The following PRKCA variants were observed in gnomAD, a reference collection of about 807,000 sequenced individuals.
The protein encoded by PRKCA is protein kinase C alpha type.
PRKCA carries 27 observed loss-of-function variants against 87.0 expected under a neutral mutation model. The observed-to-expected ratio is 0.31, with a 90% CI of 0.23 to 0.43. PRKCA has a LOEUF of 0.43. PRKCA is among the 20% of genes least tolerant of loss of function. The pLI is 1.00. For missense variants in PRKCA, 518 were observed against 852.3 expected, an observed-to-expected ratio of 0.61 and a Z score of 4.88; for synonymous variants, 329 against 311.1, an observed-to-expected ratio of 1.06 and a Z score of -0.61.
chr17:66,732,585 C>T, intron 8 of PRKCA, 103 bp from the exon 9 acceptor site: 1 of 1,423,144 alleles, frequency 7.0e-7, no homozygotes, highest in Non-Finnish European at 9.9e-7. Flanking sequence ...TCACCCCATC[C>T]CACCTCCAAG....
At chr17:66,549,209 A>C (rs1359956217) in intron 3 of PRKCA, among the ~76,000 whole-genome samples, 1 of 150,742 alleles carries the variant, frequency 6.6e-6, no homozygotes, top group Non-Finnish European at 1.5e-5. Flanking sequence ...CTCATTTTAC[A>C]GAGGGGGAAA....
chr17:66,499,002 G>A (rs1916604446), intron 3 of PRKCA, among the ~76,000 whole-genome samples: 2 of 152,204 alleles, frequency 1.3e-5, no homozygotes. Flanking sequence ...CACATTGGCG[G>A]TTAAGTTTCA....
intron 2 of PRKCA, among the ~76,000 whole-genome samples, chr17:66,468,685 A>G (rs1915193372): frequency 6.6e-6 from 1 of 152,130 alleles, no homozygotes; most frequent in South Asian, 2.1e-4. Context: ...TTAGGGCAAG[A>G]GCGCACAGGT....
At chr17:66,801,001 TC>T (rs1975886862) in intron 16 of PRKCA, among the ~76,000 whole-genome samples, 1 of 152,232 alleles carries the variant, frequency 6.6e-6, no homozygotes, top group Non-Finnish European at 1.5e-5. Context: ...CTTGAATTCT[TC>T]CAGGCAATAA....
intron 2 of PRKCA, among the ~76,000 whole-genome samples, chr17:66,358,091 G>GTTCAA (rs1555590100): frequency 6.6e-6 from 1 of 152,012 alleles, no homozygotes; most frequent in Non-Finnish European, 1.5e-5. Context: ...CATTTGAAAA[G>GTTCAA]TTCAATAAGT....
At chr17:66,777,144 T>C (rs1286751606) in intron 14 of PRKCA, 1 of 869,408 alleles carries the variant, frequency 1.2e-6, no homozygotes, top group Non-Finnish European at 1.4e-6. Flanking sequence ...ACATTCCTGG[T>C]GGGTAGGGGG....
intron 2 of PRKCA, among the ~76,000 whole-genome samples, chr17:66,455,738 C>T (rs903212553): frequency 1.3e-5 from 2 of 152,264 alleles, no homozygotes; most frequent in African/African-American, 2.4e-5. Flanking sequence ...CAGTGCCTGC[C>T]TGCCTTCTGC....
Position 66,688,386 on chromosome 17 carries a change from A to C in PRKCA, c.771A>C (p.Gly257=), listed in dbSNP as rs1972687320. The change falls in exon 7 of 17, where the codon GGA becomes GGC. Residue 257 remains glycine, a synonymous_variant. Coordinates refer to ENST00000413366, the MANE Select transcript of PRKCA (RefSeq NM_002737.3). ...GAACAACAAGGAATGACTTCATGGG[A>C]TCCCTTTCCTTTGGAGTTTCGGAGC... The part of the protein sequence containing the change: ...WDRTTRNDFM[G]SLSFGVSELM... The C allele has an allele frequency of 6.2e-7, 1 of 1,614,164 alleles. No individual in the cohort carries two copies. The highest frequency in any genetic ancestry group is 1.3e-5 in the African/African-American group (1 of 75,038).
chr17:66,418,015 G>T (rs966070887), intron 2 of PRKCA, among the ~76,000 whole-genome samples: 1 of 152,178 alleles, frequency 6.6e-6, no homozygotes, highest in Non-Finnish European at 1.5e-5. Context: ...TTTGAGCGTG[G>T]ACCTCTTCAT....
rs1320919548 is a variant in PRKCA, at chr17:66,302,652, G to T, written c.-200G>T. 5.6e-6 allele frequency: 1 copy of T among 178,674 alleles called. No individual in the cohort carries two copies. The highest frequency in any genetic ancestry group is 1.1e-5 in the Non-Finnish European group (1 of 94,516). The allele number at this position is 178,674 out of a possible 1,614,324, so 11.1% of individuals were successfully genotyped here. A position where few individuals can be genotyped will look rare whatever the true frequency, so the allele number is the denominator to read the frequency against. The stretch of plus-strand genomic sequence containing the variant: ...GGCCAGCGGGCGAGCCAGCGGCTCC[G>T]GCTCCCGCTCCCGCTCCGCGCAGCA... On this transcript the variant is annotated 5_prime_UTR_variant, in exon 1 of 17. Transcript: ENST00000413366.
chr17:66,579,946 G>T (rs1035476341), intron 3 of PRKCA, among the ~76,000 whole-genome samples: 3 of 152,092 alleles, frequency 2.0e-5, no homozygotes, highest in African/African-American at 7.2e-5. Context: ...AAGACCTGGT[G>T]CAGGTGTCAC....
At chr17:66,382,139 T>C (rs912720846) in intron 2 of PRKCA, among the ~76,000 whole-genome samples, 2 of 152,150 alleles carry the variant, frequency 1.3e-5, no homozygotes, top group Non-Finnish European at 2.9e-5. Flanking sequence ...GGAGAAAACC[T>C]GGTGTCCTGC....
chr17:66,725,693 C>T (rs150070751), intron 8 of PRKCA, among the ~76,000 whole-genome samples: 2,858 of 151,848 alleles, frequency 0.019, 93 homozygotes, highest in African/African-American at 0.065. Context: ...GCTTGTAGTC[C>T]CAGCTACTCA....
At chr17:66,770,090 G>T (rs1974899513) in intron 13 of PRKCA, among the ~76,000 whole-genome samples, 1 of 152,156 alleles carries the variant, frequency 6.6e-6, no homozygotes, top group Admixed American at 6.5e-5. Flanking sequence ...TACATTTCTA[G>T]TTGGCACAGC....
intron 15 of PRKCA, 88 bp from the exon 16 acceptor site, chr17:66,788,751 G>T: frequency 6.7e-7 from 1 of 1,491,066 alleles, no homozygotes; most frequent in Non-Finnish European, 9.0e-7. Context: ...CAAAGTCAGG[G>T]CTGTAGGCAG....
At chr17:66,362,791 T>A (rs1908472005) in intron 2 of PRKCA, among the ~76,000 whole-genome samples, 1 of 151,838 alleles carries the variant, frequency 6.6e-6, no homozygotes, top group South Asian at 2.1e-4. Flanking sequence ...GCCTCCCAGG[T>A]TCAAGCAATT....
chr17:66,763,190 T>A (rs1974723655), intron 13 of PRKCA, among the ~76,000 whole-genome samples: 1 of 152,146 alleles, frequency 6.6e-6, no homozygotes, highest in Non-Finnish European at 1.5e-5. Context: ...GTCTATGGAG[T>A]GGTCTTGGAT....
At chr17:66,340,096 T>G (rs892176141) in intron 2 of PRKCA, 1 of 152,234 alleles carries the variant, frequency 6.6e-6, no homozygotes, top group Non-Finnish European at 1.5e-5. Context: ...GGATTAGTTC[T>G]GTGTTAAACA....
intron 10 of PRKCA, among the ~76,000 whole-genome samples, chr17:66,736,355 G>A (rs1380771173): frequency 6.6e-6 from 1 of 150,902 alleles, no homozygotes; most frequent in Admixed American, 6.6e-5. Context: ...TCTGCTCAAT[G>A]CAACCTCCAC....
Sources: allele counts gnomAD v4.1 joint callset (sites outside exome capture counted in the v4.1 genomes callset), GRCh38; gene constraint gnomAD v4.1.1; transcripts MANE v1.5; gene names NCBI Gene and HGNC (gene_info 2026-07-23, HGNC 2026-07-21).